Variants in ANK3 observed in about 807,000 individuals in gnomAD.
ANK3 encodes ankyrin 3, also known as ankyrin-3.
Under a neutral mutation model 370.9 loss-of-function variants are expected in ANK3, and 57 were observed. That is an observed-to-expected ratio of 0.15 (90% CI 0.12 to 0.19). ANK3 has a LOEUF of 0.19. Among genes scored for constraint, ANK3 ranks in the 10% least tolerant of loss-of-function variants. The probability of loss-of-function intolerance (pLI) is 1.00; values close to 1 mark genes in which losing one functional copy is unlikely to be tolerated. For synonymous variants in ANK3, 1,929 were observed against 1,946.3 expected (o/e 0.99, Z 0.23); for missense variants, 4,439 against 5,302.1 (o/e 0.84, Z 5.06).
chr10:60,469,302 T>TATAC (rs1567067174), intron 2 of ANK3, among the ~76,000 whole-genome samples: 1 of 18,538 alleles, frequency 5.4e-5, no homozygotes, highest in Non-Finnish European at 1.2e-4. Flanking sequence ...TATATATATA[T>TATAC]ATATACCACT....
intron 2 of ANK3, among the ~76,000 whole-genome samples, chr10:60,607,680 T>C (rs1390779339): frequency 2.0e-5 from 3 of 152,188 alleles, no homozygotes; most frequent in Non-Finnish European, 4.4e-5. Flanking sequence ...TTCAAAACAC[T>C]GGATCAAAGT....
chr10:60,279,074 T>C lies in ANK3; in HGVS notation c.291A>G (p.Glu97=), dbSNP rs1784110123. 1.2e-6 allele frequency: 2 copies of C among 1,613,844 alleles called. No homozygotes were observed. The highest frequency in any genetic ancestry group is 8.5e-7 in the Non-Finnish European group (1 of 1,179,942). Residue 97 remains glutamate, a synonymous_variant, in exon 3 of 44, where the codon GAA becomes GAG. Coordinates refer to ENST00000280772, the MANE Select transcript of ANK3 (RefSeq NM_020987.5). ...CCTTTGTAGCTGCATCCACATTGGC[T>C]TCTCTCTGCAGCAGCTCAGAAACAA... ...VEVVSELLQR[E]ANVDAATKKG...
At chr10:60,140,862 G>A (rs41274688) in intron 23 of ANK3, 4 of 988,246 alleles carry the variant, frequency 4.0e-6, no homozygotes, top group Non-Finnish European at 4.8e-6. Context: ...GGGAGAGAGC[G>A]AAGTGCTACA....
intron 2 of ANK3, among the ~76,000 whole-genome samples, chr10:60,536,893 A>C (rs2076737078): frequency 6.6e-6 from 1 of 152,038 alleles, no homozygotes; most frequent in South Asian, 2.1e-4. Context: ...GCGAGAATAA[A>C]TCATGCTTGC....
At chr10:60,345,685 T>C (rs536344816) in intron 1 of ANK3, among the ~76,000 whole-genome samples, 1 of 152,288 alleles carries the variant, frequency 6.6e-6, no homozygotes, top group Non-Finnish European at 1.5e-5. Context: ...AATCTGCTCT[T>C]CTCTGTTCAC....
rs1361225938 is a variant in ANK3 at position 60,487,592 on chromosome 10, T to C, written c.96+127594A>G. On this transcript the variant is annotated intron_variant, in intron 2 of 43. Transcript: ENST00000373827. ...GAATACTTGGTAAAATGCATATCTC[T>C]GGGTCCCAGCAAAGAAAATCTGACT... Among the ~76,000 whole-genome samples the C allele has an allele frequency of 3.9e-5, 6 of 151,902 alleles. No homozygotes were observed. In the South Asian group the frequency reaches 1.2e-3, roughly 32 times the overall value.
intron 43 of ANK3, among the ~76,000 whole-genome samples, chr10:60,037,979 T>C (rs2075401417): frequency 6.6e-6 from 1 of 152,264 alleles, no homozygotes; most frequent in Admixed American, 6.5e-5. Flanking sequence ...TTTTTAATAA[T>C]AGCCATTCTG....
At chr10:60,662,799 A>G (rs958837140) in intron 1 of ANK3, among the ~76,000 whole-genome samples, 1 of 152,190 alleles carries the variant, frequency 6.6e-6, no homozygotes, top group Non-Finnish European at 1.5e-5. Context: ...TTGGTGCTCA[A>G]AAGATATCTG....
chr10:60,057,243 C>CT (rs1423322264), intron 41 of ANK3, among the ~76,000 whole-genome samples: 4 of 152,132 alleles, frequency 2.6e-5, no homozygotes, highest in African/African-American at 9.7e-5. Context: ...TTTCCCTTAA[C>CT]TATTAAAACT....
intron 1 of ANK3, among the ~76,000 whole-genome samples, chr10:60,690,811 A>C (rs2133402603): frequency 6.6e-6 from 1 of 152,310 alleles, no homozygotes; most frequent in Non-Finnish European, 1.5e-5. Flanking sequence ...TCCAGGCCGG[A>C]AAATGTAAAT....
chr10:60,172,867 C>G, intron 20 of ANK3, 33 bp downstream of exon 20: 7 of 1,449,144 alleles, frequency 4.8e-6, no homozygotes, highest in Non-Finnish European at 6.8e-6. Flanking sequence ...TCTATCTCCT[C>G]CCTCTTCTCC....
chr10:60,462,936 C>A (rs1348388474), intron 2 of ANK3, among the ~76,000 whole-genome samples: 1 of 151,970 alleles, frequency 6.6e-6, no homozygotes, highest in Non-Finnish European at 1.5e-5. Context: ...CAGGGTCCCA[C>A]TTTGTCTCCC....
Position 60,114,307 on chromosome 10 carries a change from C to T in ANK3, c.2866G>A (p.Asp956Asn). The T allele has an allele frequency of 6.2e-7, 1 of 1,605,246 alleles. No individual in the cohort carries two copies. The highest frequency in any genetic ancestry group is 8.5e-7 in the Non-Finnish European group (1 of 1,175,378). Residue 956 changes from aspartate to asparagine, a missense_variant, in exon 26 of 44, where the codon GAT becomes AAT. By Grantham distance (23) the Asp-to-Asn change is conservative. Transcript: ENST00000280772. ...EQHLTFTREFDSDSLRHYSWA... is the reference protein window; with the variant it reads ...EQHLTFTREFNSDSLRHYSWA... Reference sequence around the variant, plus strand: ...CTGTAATGTCTAAGAGAATCTGAATCAAATTCCCTTGTGAATGTTAGATGC... The same window carrying T: ...CTGTAATGTCTAAGAGAATCTGAATTAAATTCCCTTGTGAATGTTAGATGC...
intron 1 of ANK3, among the ~76,000 whole-genome samples, chr10:60,347,128 CTGAA>C (rs1452934903): frequency 6.6e-6 from 1 of 150,528 alleles, no homozygotes; most frequent in Non-Finnish European, 1.5e-5. Context: ...TACATGTTTA[CTGAA>C]TGATTTGCAC....
intron 11 of ANK3, among the ~76,000 whole-genome samples, 157 bp downstream of exon 11, chr10:60,205,635 A>G (rs911626313): frequency 1.3e-5 from 2 of 152,176 alleles, no homozygotes; most frequent in Non-Finnish European, 2.9e-5. Context: ...TGCTTCTCCT[A>G]GGGACTGGCA....
intron 1 of ANK3, among the ~76,000 whole-genome samples, chr10:60,362,073 TAC>T: frequency 6.6e-6 from 1 of 152,320 alleles, no homozygotes; most frequent in South Asian, 2.1e-4. Context: ...ACTTCTCACA[TAC>T]ACACAGCCTA....
Position 60,300,112 on chromosome 10 carries a change from GC to G in ANK3, c.115-20474del, listed in dbSNP as rs200469994. 2.4e-3 allele frequency among the ~76,000 whole-genome samples: 363 copies of G among 152,202 alleles called. 2 individuals are homozygous for G. Among genetic ancestry groups the G allele is most frequent in the Middle Eastern group, 0.024 (7 of 294 alleles). On this transcript the variant is annotated intron_variant, in intron 1 of 43. Transcript: ENST00000280772. ...GAACTCACTCCAAATTACATCACAG[GC>G]AAAACATATCTAGAGTCCGGATCGG...
chr10:60,275,711 C>A (rs1381006380), intron 4 of ANK3, among the ~76,000 whole-genome samples: 1 of 152,148 alleles, frequency 6.6e-6, no homozygotes, highest in Non-Finnish European at 1.5e-5. Context: ...CAAGGAGGCA[C>A]TGGCTAACCT....
rs535474983 is a variant in ANK3, at chr10:60,573,051, C to T, written c.96+42135G>A. The T allele has an allele frequency of 1.0e-4, 97 of 973,878 alleles. No homozygotes were observed. The African/African-American group carries it at 1.6e-3, about 16-fold the overall frequency. 60.3% of individuals were successfully genotyped at this position (973,878 alleles called of 1,614,324 possible). A position where few individuals can be genotyped will look rare whatever the true frequency, so the allele number is the denominator to read the frequency against. ...AATTGCTCTCCGTGCTGCTAGCCTC[C>T]CATACTAACACATGTGTTGAATGCA... On this transcript the variant is annotated intron_variant, in intron 2 of 43. Coordinates refer to the ANK3 transcript ENST00000373827.
Sources: allele counts gnomAD v4.1 joint callset (sites outside exome capture counted in the v4.1 genomes callset), GRCh38; gene constraint gnomAD v4.1.1; transcripts MANE v1.5; gene names NCBI Gene and HGNC (gene_info 2026-07-23, HGNC 2026-07-21).